PRKG1: variants seen among roughly 807,000 people sequenced by gnomAD.
PRKG1 encodes cGMP-dependent protein kinase 1.
Under a neutral mutation model 88.1 loss-of-function variants are expected in PRKG1, and 35 were observed. The ratio of observed to expected loss-of-function variants is 0.40; its 90% CI spans 0.30 to 0.53. The LOEUF (loss-of-function observed/expected upper bound fraction) is 0.53. Among genes scored for constraint, PRKG1 ranks in the 20% least tolerant of loss-of-function variants. PRKG1 has a pLI of 0.59. For missense variants in PRKG1, 540 were observed against 839.8 expected, an observed-to-expected ratio of 0.64 and a Z score of 4.41; for synonymous variants, 303 against 292.5, an observed-to-expected ratio of 1.04 and a Z score of -0.37.
intron 5 of PRKG1, among the ~76,000 whole-genome samples, chr10:51,924,583 T>C (rs955595733): frequency 2.0e-5 from 3 of 152,190 alleles, no homozygotes; most frequent in Non-Finnish European, 2.9e-5. Context: ...GTGTCTGTCA[T>C]TAATTTTGGA....
At chr10:52,035,418 A>G (rs1845582059) in intron 5 of PRKG1, among the ~76,000 whole-genome samples, 1 of 152,164 alleles carries the variant, frequency 6.6e-6, no homozygotes, top group Admixed American at 6.5e-5. Flanking sequence ...GATGGAAAGG[A>G]AATGAGAGGT....
chr10:51,256,715 C>G (rs957207479), intron 2 of PRKG1, among the ~76,000 whole-genome samples: 2 of 151,866 alleles, frequency 1.3e-5, no homozygotes, highest in African/African-American at 4.8e-5. Context: ...GTTAGATTTA[C>G]TCTAGGAGTG....
In PRKG1 at chr10:51,740,012, T is replaced by C. The variant is rs16922414; in HGVS notation, c.593-64573T>C. Among the ~76,000 whole-genome samples the C allele has an allele frequency of 5.8e-3, 889 of 152,256 alleles. 7 individuals carry two copies. The highest frequency in any genetic ancestry group is 0.02 in the African/African-American group (832 of 41,544). On this transcript the variant is annotated intron_variant, in intron 3 of 17. Transcript: ENST00000373980. The stretch of plus-strand genomic sequence containing the variant: ...CCAGAGCACTTTACAGTCTTAAATA[T>C]GATTGTATACCCACACAGATATTTT...
chr10:51,307,809 T>A (rs1841077126), intron 2 of PRKG1, among the ~76,000 whole-genome samples: 1 of 152,124 alleles, frequency 6.6e-6, no homozygotes, highest in South Asian at 2.1e-4. Context: ...TCTAAATAAT[T>A]TTAAGAACTT....
intron 8 of PRKG1, among the ~76,000 whole-genome samples, chr10:52,154,775 G>A (rs1440983489): frequency 6.6e-6 from 1 of 152,030 alleles, no homozygotes; most frequent in Non-Finnish European, 1.5e-5. Flanking sequence ...CCAGTACGTA[G>A]TCTTTTATCT....
chr10:51,724,851 G>C (rs1303435962), intron 3 of PRKG1, among the ~76,000 whole-genome samples: 1 of 148,216 alleles, frequency 6.7e-6, no homozygotes, highest in African/African-American at 2.5e-5. Context: ...GTGCTACCAT[G>C]CCTGGCTAAT....
chr10:51,941,128 G>GAATC (rs3030006), intron 5 of PRKG1, among the ~76,000 whole-genome samples: 16,807 of 151,880 alleles, frequency 0.11, 1,209 homozygotes, highest in East Asian at 0.34. Flanking sequence ...GAGCATCTTA[G>GAATC]AATCAGTGAA....
chr10:52,095,459 T>G (rs1336437251), intron 7 of PRKG1, among the ~76,000 whole-genome samples: 1 of 152,142 alleles, frequency 6.6e-6, no homozygotes, highest in Non-Finnish European at 1.5e-5. Flanking sequence ...TTGTTCATTT[T>G]CACCTCCTAA....
chr10:51,736,832 C>A (rs988302779), intron 3 of PRKG1, among the ~76,000 whole-genome samples: 1 of 151,272 alleles, frequency 6.6e-6, no homozygotes, highest in African/African-American at 2.4e-5. Flanking sequence ...GAAGGAGTCT[C>A]ATTATGTTGC....
chr10:51,765,441 A>G (rs1465260559), intron 3 of PRKG1, among the ~76,000 whole-genome samples: 1 of 152,090 alleles, frequency 6.6e-6, no homozygotes, highest in Admixed American at 6.5e-5. Context: ...TAATAATCAA[A>G]TCTTCTATGA....
intron 3 of PRKG1, among the ~76,000 whole-genome samples, chr10:51,546,849 T>C (rs542947298): frequency 1.3e-5 from 2 of 152,188 alleles, no homozygotes; most frequent in African/African-American, 2.4e-5. Context: ...CTCAAACTTA[T>C]ATCAAAAAAT....
chr10:51,429,366 C>T (rs1344367978), intron 2 of PRKG1, among the ~76,000 whole-genome samples: 2 of 152,112 alleles, frequency 1.3e-5, no homozygotes, highest in African/African-American at 4.8e-5. Context: ...CCTCCACTAA[C>T]AAAACTGGAA....
chr10:51,432,074 C>T (rs1284920267), intron 2 of PRKG1, among the ~76,000 whole-genome samples: 2 of 152,202 alleles, frequency 1.3e-5, no homozygotes, highest in African/African-American at 4.8e-5. Context: ...ACACATGTAC[C>T]ACATATCCTT....
chr10:51,212,484 A>G (rs1261865826), intron 2 of PRKG1, among the ~76,000 whole-genome samples: 1 of 151,958 alleles, frequency 6.6e-6, no homozygotes, highest in Admixed American at 6.6e-5. Flanking sequence ...ATTAAACTAA[A>G]GAGCTTCTGC....
chr10:51,345,648 A>G (rs1289129281), intron 2 of PRKG1, among the ~76,000 whole-genome samples: 1 of 152,232 alleles, frequency 6.6e-6, no homozygotes, highest in African/African-American at 2.4e-5. Context: ...CAAACAACAT[A>G]AAACAGGCAA....
At chr10:52,110,144 T>C (rs943136357) in intron 7 of PRKG1, among the ~76,000 whole-genome samples, 7 of 151,840 alleles carry the variant, frequency 4.6e-5, no homozygotes, top group Admixed American at 2.6e-4. Flanking sequence ...GTCAGGAGAT[T>C]GAGACCATCC....
At chr10:51,932,702 G>A (rs1842719919) in intron 5 of PRKG1, among the ~76,000 whole-genome samples, 1 of 152,142 alleles carries the variant, frequency 6.6e-6, no homozygotes. Context: ...TCTAACAAGG[G>A]TGATGCCAGC....
At chr10:51,100,564 G>C (rs1045895098) in intron 1 of PRKG1, among the ~76,000 whole-genome samples, 1 of 152,122 alleles carries the variant, frequency 6.6e-6, no homozygotes, top group African/African-American at 2.4e-5. Flanking sequence ...TGTTACAGCT[G>C]TGACTGCCAA....
intron 5 of PRKG1, among the ~76,000 whole-genome samples, chr10:51,977,945 C>A (rs931061407): frequency 5.3e-5 from 8 of 152,040 alleles, no homozygotes; most frequent in African/African-American, 1.4e-4. Context: ...TTGATAGTTT[C>A]TTTTATTTTG....
Sources: gnomAD v4.1 joint callset for allele counts (sites outside exome capture counted in the v4.1 genomes callset) on GRCh38, gnomAD v4.1.1 for gene constraint, MANE v1.5 for transcripts, NCBI Gene and HGNC (gene_info 2026-07-23, HGNC 2026-07-21) for gene names.